The following MDGA2 variants were observed in gnomAD, a reference collection of about 807,000 sequenced individuals.
MDGA2 encodes the protein MAM domain-containing glycosylphosphatidylinositol anchor protein 2.
MDGA2 carries 40 observed loss-of-function variants against 117.8 expected under a neutral mutation model. The ratio of observed to expected loss-of-function variants is 0.34; its 90% CI spans 0.26 to 0.44. MDGA2 has a LOEUF of 0.44. Among genes scored for constraint, MDGA2 ranks in the 20% least tolerant of loss-of-function variants. MDGA2 has a pLI of 1.00. For synonymous variants in MDGA2, 452 were observed against 439.0 expected, an observed-to-expected ratio of 1.03 and a Z score of -0.37; for missense variants, 1,123 against 1,250.6, an observed-to-expected ratio of 0.90 and a Z score of 1.54.
intron 1 of MDGA2, among the ~76,000 whole-genome samples, chr14:47,510,053 G>GT (rs1437906681): frequency 6.6e-6 from 1 of 152,122 alleles, no homozygotes; most frequent in East Asian, 1.9e-4. Flanking sequence ...ATGAAAATTC[G>GT]TACGTCGAAT....
intron 1 of MDGA2, among the ~76,000 whole-genome samples, chr14:47,593,836 C>CT (rs1896487330): frequency 6.6e-6 from 1 of 151,990 alleles, no homozygotes; most frequent in African/African-American, 2.4e-5. Flanking sequence ...GTTTACCTAT[C>CT]TAACAAACCT....
At chr14:47,022,867 T>A (rs1888334896) in intron 8 of MDGA2, among the ~76,000 whole-genome samples, 2 of 152,138 alleles carry the variant, frequency 1.3e-5, no homozygotes, top group Admixed American at 1.3e-4. Context: ...TTTGCCAGTT[T>A]AGGATACCAA....
chr14:47,581,530 T>C (rs980299206), intron 1 of MDGA2, among the ~76,000 whole-genome samples: 6 of 151,990 alleles, frequency 3.9e-5, no homozygotes, highest in Admixed American at 1.3e-4. Flanking sequence ...CCGTATGAAA[T>C]ACGTACAGTG....
chr14:47,197,730 G>A (rs939018194), intron 3 of MDGA2, among the ~76,000 whole-genome samples: 11 of 152,100 alleles, frequency 7.2e-5, no homozygotes, highest in African/African-American at 2.4e-4. Flanking sequence ...CGAACATGGT[G>A]AAACCCCGTC....
At chr14:47,249,204 A>T (rs1887361505) in intron 2 of MDGA2, among the ~76,000 whole-genome samples, 1 of 151,690 alleles carries the variant, frequency 6.6e-6, no homozygotes, top group African/African-American at 2.4e-5. Flanking sequence ...TTTTTAGTAG[A>T]GACGGGATTT....
rs1206777775 is a variant in MDGA2, at chr14:47,302,142, G to A, written c.281-592C>T. Among the ~76,000 whole-genome samples, 12 of 152,030 alleles carry A rather than the reference G, an allele frequency of 7.9e-5. No individual in the cohort carries two copies. In the East Asian group the frequency reaches 1.5e-3, roughly 20 times the overall value. On this transcript the variant is annotated intron_variant, in intron 1 of 16. Coordinates refer to ENST00000399232, the MANE Select transcript of MDGA2 (RefSeq NM_001113498.3). ...TGGAAGAAGACAATATACCATTGTC[G>A]CCTGAGTCTAAAATTCTGATTCAAA... is the stretch of plus-strand genomic sequence containing the variant.
At chr14:46,897,435 A>C (rs1281987612) in intron 10 of MDGA2, among the ~76,000 whole-genome samples, 1 of 152,136 alleles carries the variant, frequency 6.6e-6, no homozygotes, top group African/African-American at 2.4e-5. Flanking sequence ...TTTGAATGGC[A>C]AATAACTACA....
intron 6 of MDGA2, among the ~76,000 whole-genome samples, chr14:47,068,507 G>C (rs1299621787): frequency 6.6e-6 from 1 of 151,030 alleles, no homozygotes; most frequent in Non-Finnish European, 1.5e-5. Flanking sequence ...CATGTAAATG[G>C]TATCTGAATT....
At chr14:46,861,304 A>T (rs1251064750) in intron 14 of MDGA2, among the ~76,000 whole-genome samples, 1 of 151,914 alleles carries the variant, frequency 6.6e-6, no homozygotes, top group East Asian at 1.9e-4. Flanking sequence ...AATATGTGTG[A>T]CTTATCTTTC....
At chr14:47,167,008 C>A (rs535856315) in intron 3 of MDGA2, among the ~76,000 whole-genome samples, 6 of 152,228 alleles carry the variant, frequency 3.9e-5, no homozygotes, top group South Asian at 2.1e-4. Context: ...CTGGTCTGGG[C>A]TTAGCACTCA....
chr14:47,173,803 T>G (rs370312910), intron 3 of MDGA2, among the ~76,000 whole-genome samples: 19 of 152,024 alleles, frequency 1.2e-4, no homozygotes, highest in South Asian at 4.2e-4. Flanking sequence ...ATAACAATAT[T>G]AACTTTAAAT....
chr14:47,409,259 G>A (rs1295025894), intron 1 of MDGA2, among the ~76,000 whole-genome samples: 11 of 152,112 alleles, frequency 7.2e-5, no homozygotes, highest in Admixed American at 6.5e-4. Flanking sequence ...AGGTTACTTC[G>A]CCAAACCACA....
At chr14:46,917,947 C>T (rs891489118) in intron 10 of MDGA2, among the ~76,000 whole-genome samples, 8 of 152,026 alleles carry the variant, frequency 5.3e-5, no homozygotes, top group Middle Eastern at 3.2e-3. Flanking sequence ...ATTTAAATTT[C>T]GCTTATAGGT....
At chr14:47,550,496 G>A (rs1479289296) in intron 1 of MDGA2, among the ~76,000 whole-genome samples, 1 of 152,170 alleles carries the variant, frequency 6.6e-6, no homozygotes, top group African/African-American at 2.4e-5. Flanking sequence ...CACTGATATT[G>A]CAGAGAATGT....
At chr14:47,513,269 CA>C (rs1267625174) in intron 1 of MDGA2, among the ~76,000 whole-genome samples, 3 of 152,054 alleles carry the variant, frequency 2.0e-5, no homozygotes, top group African/African-American at 7.2e-5. Context: ...GACTTTCTTT[CA>C]TTTTTTTATA....
intron 1 of MDGA2, among the ~76,000 whole-genome samples, chr14:47,309,025 A>C (rs1889550217): frequency 6.6e-6 from 1 of 152,076 alleles, no homozygotes; most frequent in South Asian, 2.1e-4. Context: ...CTTTTATCCC[A>C]CTGCCATACT....
At chr14:47,058,751 A>C in intron 7 of MDGA2, 2 of 985,332 alleles carry the variant, frequency 2.0e-6, no homozygotes, top group Non-Finnish European at 2.4e-6. Context: ...GCTTGAAGAC[A>C]GAATATGTAA....
At chr14:47,153,721 A>C (rs540593326) in intron 3 of MDGA2, among the ~76,000 whole-genome samples, 7 of 152,080 alleles carry the variant, frequency 4.6e-5, no homozygotes, top group South Asian at 2.1e-4. Flanking sequence ...AAAAAAAAAA[A>C]AAAACAGTTG....
intron 1 of MDGA2, among the ~76,000 whole-genome samples, chr14:47,576,954 T>C (rs1406920135): frequency 6.6e-6 from 1 of 152,152 alleles, no homozygotes; most frequent in African/African-American, 2.4e-5. Context: ...TCTCACTATA[T>C]TGCCCAGGCT....
Sources: gnomAD v4.1 joint callset for allele counts (sites outside exome capture counted in the v4.1 genomes callset) on GRCh38, gnomAD v4.1.1 for gene constraint, MANE v1.5 for transcripts, NCBI Gene and HGNC (gene_info 2026-07-23, HGNC 2026-07-21) for gene names.